FRMPD4: variants seen among roughly 807,000 people sequenced by gnomAD.
FRMPD4 encodes the protein FERM and PDZ domain-containing protein 4.
In FRMPD4, 22 loss-of-function variants were observed where a neutral mutation model predicts 94.1. The ratio of observed to expected loss-of-function variants is 0.23; its 90% CI spans 0.17 to 0.33. The LOEUF (loss-of-function observed/expected upper bound fraction) is 0.33. FRMPD4 is among the 10% of genes least tolerant of loss of function. The pLI is 1.00. For missense variants in FRMPD4, 1,111 were observed against 1,339.9 expected, an observed-to-expected ratio of 0.83 and a Z score of 2.67; for synonymous variants, 631 against 548.6, an observed-to-expected ratio of 1.15 and a Z score of -2.10.
At chrX:12,714,383 C>T (rs1403647144) in intron 14 of FRMPD4, among the ~76,000 whole-genome samples, 1 of 111,486 alleles carries the variant, frequency 9.0e-6, no homozygotes, top group Non-Finnish European at 1.9e-5. Context: ...TGGCCTTCCC[C>T]TCTTCTCTAT....
chrX:12,331,767 AT>A lies in FRMPD4; in HGVS notation c.42-166911del, dbSNP rs2055395439. ...TTATATATTTATATACTATATATAA[AT>A]TATATATTATATATTTATATACTGT... On this transcript the variant is annotated intron_variant, in intron 1 of 16. Coordinates refer to ENST00000675598, the MANE Select transcript of FRMPD4 (RefSeq NM_001368397.1). Among the ~76,000 whole-genome samples, 16 of 62,346 alleles carry A rather than the reference AT, an allele frequency of 2.6e-4. 3 individuals carry two copies. The highest frequency in any genetic ancestry group is 2.9e-4 in the African/African-American group (4 of 13,619). The allele number at this position is 62,346 out of a possible 115,157, so 54.1% of individuals were successfully genotyped here. A position where few individuals can be genotyped will look rare whatever the true frequency, so the allele number is the denominator to read the frequency against.
chrX:12,206,416 G>A (rs2056693071), intron 1 of FRMPD4, among the ~76,000 whole-genome samples: 1 of 111,660 alleles, frequency 9.0e-6, no homozygotes, highest in Non-Finnish European at 1.9e-5. Flanking sequence ...ATGAGGCAGA[G>A]CCAACCCTAC....
At chrX:12,143,642 A>G (rs1233948318) in intron 1 of FRMPD4, among the ~76,000 whole-genome samples, 3 of 111,788 alleles carry the variant, frequency 2.7e-5, no homozygotes, top group African/African-American at 6.5e-5. Flanking sequence ...TATAATAAAT[A>G]CTTGAATTCA....
intron 1 of FRMPD4, among the ~76,000 whole-genome samples, chrX:12,332,200 A>AATT (rs1227968903): frequency 1.5e-5 from 1 of 67,625 alleles, no homozygotes; most frequent in Non-Finnish European, 2.4e-5. Flanking sequence ...TTATATATAT[A>AATT]TATATATAGA....
chrX:12,629,116 A>G (rs1470747232), intron 4 of FRMPD4, among the ~76,000 whole-genome samples: 1 of 112,434 alleles, frequency 8.9e-6, no homozygotes, highest in Non-Finnish European at 1.9e-5. Flanking sequence ...CATGGGAATT[A>G]TGGGAGCTAC....
At chrX:12,059,231 G>A (rs1157965101) in intron 3 of FRMPD4, among the ~76,000 whole-genome samples, 2 of 111,384 alleles carry the variant, frequency 1.8e-5, no homozygotes, top group South Asian at 3.8e-4. Flanking sequence ...ACTTGTGTAC[G>A]CTTGATCTAA....
intron 3 of FRMPD4, among the ~76,000 whole-genome samples, chrX:11,976,560 G>A (rs1156289628): frequency 2.7e-5 from 3 of 112,030 alleles, no homozygotes; most frequent in East Asian, 2.8e-4. Context: ...TCTGGCAAGG[G>A]CATCAATCTG....
At chrX:11,933,837 T>C (rs1257226953) in intron 3 of FRMPD4, among the ~76,000 whole-genome samples, 2 of 112,492 alleles carry the variant, frequency 1.8e-5, no homozygotes, top group Non-Finnish European at 3.8e-5. Flanking sequence ...CTAATTATGA[T>C]TCATTTGATA....
intron 1 of FRMPD4, among the ~76,000 whole-genome samples, chrX:12,470,297 G>C (rs754512628): frequency 8.9e-6 from 1 of 111,758 alleles, no homozygotes; most frequent in Non-Finnish European, 1.9e-5. Flanking sequence ...TTCTGTACTA[G>C]CTTTCCCCCC....
chrX:12,068,278 C>T (rs1207818444), intron 3 of FRMPD4, among the ~76,000 whole-genome samples: 1 of 112,046 alleles, frequency 8.9e-6, no homozygotes, highest in Non-Finnish European at 1.9e-5. Flanking sequence ...GGACTTCTGG[C>T]CTTCAGAAGT....
intron 3 of FRMPD4, among the ~76,000 whole-genome samples, chrX:11,888,613 A>G (rs1361157645): frequency 8.9e-6 from 1 of 111,912 alleles, no homozygotes; most frequent in Non-Finnish European, 1.9e-5. Flanking sequence ...AGTTTAAGTT[A>G]TACAGGCATA....
intron 1 of FRMPD4, among the ~76,000 whole-genome samples, chrX:12,198,943 T>C (rs748971514): frequency 1.8e-4 from 20 of 112,129 alleles, no homozygotes; most frequent in Non-Finnish European, 3.6e-4. Context: ...TTTTAAAAAG[T>C]TGGTTCCTGT....
intron 2 of FRMPD4, among the ~76,000 whole-genome samples, chrX:12,536,657 C>G (rs936072094): frequency 1.8e-5 from 2 of 111,713 alleles, no homozygotes; most frequent in African/African-American, 6.5e-5. Context: ...CAGAACAGTT[C>G]TGTGTGTTTC....
intron 3 of FRMPD4, among the ~76,000 whole-genome samples, chrX:12,050,884 C>T (rs2054813162): frequency 9.0e-6 from 1 of 111,011 alleles, no homozygotes; most frequent in African/African-American, 3.3e-5. Context: ...TTTATATTAA[C>T]ATCATAAGAA....
chrX:12,518,560 C>G (rs939320740), intron 2 of FRMPD4, among the ~76,000 whole-genome samples: 1 of 111,636 alleles, frequency 9.0e-6, no homozygotes, highest in Non-Finnish European at 1.9e-5. Flanking sequence ...TAGAAGGAAA[C>G]TACCTCAAAA....
At chrX:12,539,184 T>C (rs1042042636) in intron 2 of FRMPD4, among the ~76,000 whole-genome samples, 3 of 111,725 alleles carry the variant, frequency 2.7e-5, no homozygotes, top group Non-Finnish European at 5.6e-5. Context: ...AGAAAGTGTA[T>C]CAGTGACTGA....
intron 4 of FRMPD4, among the ~76,000 whole-genome samples, chrX:12,640,103 A>T (rs978173732): frequency 6.4e-5 from 7 of 109,750 alleles, no homozygotes; most frequent in African/African-American, 2.3e-4. Flanking sequence ...GTTCGAGACC[A>T]GCCTGGGCAA....
At chrX:12,061,986 C>G (rs1007963190) in intron 3 of FRMPD4, among the ~76,000 whole-genome samples, 1 of 111,671 alleles carries the variant, frequency 9.0e-6, no homozygotes, top group African/African-American at 3.2e-5. Flanking sequence ...TTAGAAGACA[C>G]AAATAAATAA....
chrX:12,632,210 A>G (rs2059402183), intron 4 of FRMPD4, among the ~76,000 whole-genome samples: 1 of 111,997 alleles, frequency 8.9e-6, no homozygotes, highest in South Asian at 3.8e-4. Context: ...TGAAAGAGAC[A>G]TGCATCTGGG....
Sources: gnomAD v4.1 joint callset for allele counts (sites outside exome capture counted in the v4.1 genomes callset) on GRCh38, gnomAD v4.1.1 for gene constraint, MANE v1.5 for transcripts, NCBI Gene and HGNC (gene_info 2026-07-23, HGNC 2026-07-21) for gene names.